SORCS1: variants seen among roughly 807,000 people sequenced by gnomAD.
SORCS1 encodes sortilin related VPS10 domain containing receptor 1, also known as VPS10 domain-containing receptor SorCS1.
In SORCS1, 60 loss-of-function variants were observed where a neutral mutation model predicts 146.1. That is an observed-to-expected ratio of 0.41 (90% confidence interval 0.33 to 0.51). The LOEUF is 0.51. SORCS1 is among the 20% of genes least tolerant of loss of function. SORCS1 has a pLI of 0.21. For synonymous variants in SORCS1, 637 were observed against 584.0 expected, an observed-to-expected ratio of 1.09 and a Z score of -1.31; for missense variants, 1,352 against 1,487.6, an observed-to-expected ratio of 0.91 and a Z score of 1.50.
chr10:106,867,601 GA>G (rs767338658), intron 2 of SORCS1, among the ~76,000 whole-genome samples: 1 of 151,194 alleles, frequency 6.6e-6, no homozygotes, highest in East Asian at 1.9e-4. Context: ...CATTCTTAAA[GA>G]AAAAAAAATT....
At chr10:106,996,738 A>T (rs758544899) in intron 1 of SORCS1, among the ~76,000 whole-genome samples, 1 of 152,194 alleles carries the variant, frequency 6.6e-6, no homozygotes, top group African/African-American at 2.4e-5. Flanking sequence ...ATATGACCAG[A>T]GTGTGTCGCC....
chr10:106,946,470 C>G (rs1327503032), intron 2 of SORCS1, among the ~76,000 whole-genome samples: 1 of 152,210 alleles, frequency 6.6e-6, no homozygotes, highest in Non-Finnish European at 1.5e-5. Flanking sequence ...GTGTAAGTCT[C>G]ACGAGATCTG....
intron 1 of SORCS1, among the ~76,000 whole-genome samples, chr10:107,045,450 G>A (rs1162224332): frequency 6.6e-6 from 1 of 152,132 alleles, no homozygotes; most frequent in Non-Finnish European, 1.5e-5. Flanking sequence ...ACAACTGGGA[G>A]GTATTTTCAG....
intron 2 of SORCS1, among the ~76,000 whole-genome samples, chr10:106,890,813 T>A (rs35478658): frequency 2.8e-5 from 1 of 36,246 alleles, no homozygotes; most frequent in African/African-American, 2.4e-4. Flanking sequence ...TATACATACA[T>A]TTTTTTTTTT....
At chr10:106,824,449 G>T (rs187762280) in intron 3 of SORCS1, among the ~76,000 whole-genome samples, 1 of 152,078 alleles carries the variant, frequency 6.6e-6, no homozygotes, top group African/African-American at 2.4e-5. Context: ...AATTAGCTGG[G>T]TGTGGTAGTA....
Position 106,709,203 on chromosome 10 carries a change from C to T in SORCS1, c.1143+20G>A, listed in dbSNP as rs1373028955. 3 of 1,569,602 alleles carry T rather than the reference C, an allele frequency of 1.9e-6. No homozygotes were observed. In the African/African-American group the frequency reaches 4.1e-5, roughly 21 times the overall value. On this transcript the variant is annotated intron_variant, in intron 7 of 25. Coordinates refer to ENST00000263054, the MANE Select transcript of SORCS1 (RefSeq NM_052918.5). ...AAAGAAAGGTTTCTGAGACAATCAA[C>T]AGAAGTGGATTTTTCCTACCTGAAC...
intron 2 of SORCS1, among the ~76,000 whole-genome samples, chr10:106,850,648 C>A (rs1949528251): frequency 6.6e-6 from 1 of 152,176 alleles, no homozygotes; most frequent in Non-Finnish European, 1.5e-5. Flanking sequence ...AAGGCATTCC[C>A]AAGACACCCA....
rs146123916 is a variant in SORCS1 at position 106,884,431 on chromosome 10, A to AT, written c.627-54759dup. On this transcript the variant is annotated intron_variant, in intron 2 of 25. Transcript: ENST00000263054. ...TGAGGCACCTTAACCTTCACATTCTATTTTTTTTTTCTTTTAAATTTATGG... is the reference window on the plus strand; with the variant it reads ...TGAGGCACCTTAACCTTCACATTCTATTTTTTTTTTTCTTTTAAATTTATGG... Among the ~76,000 whole-genome samples, 208 of 148,880 alleles carry AT rather than the reference A, an allele frequency of 1.4e-3. 3 individuals are homozygous for AT. In the South Asian group the frequency reaches 0.036, roughly 26 times the overall value.
chr10:107,175,452 C>CTT, the SORCS1 span, among the ~76,000 whole-genome samples: 1 of 151,942 alleles, frequency 6.6e-6, no homozygotes, highest in Non-Finnish European at 1.5e-5. Context: ...TTCTTTCTTT[C>CTT]TTTTAGATGG....
intron 1 of SORCS1, among the ~76,000 whole-genome samples, chr10:107,140,383 A>C (rs1049835690): frequency 3.9e-5 from 6 of 152,230 alleles, no homozygotes; most frequent in African/African-American, 1.4e-4. Context: ...TTTTATTGTC[A>C]GCAATAATTC....
intron 3 of SORCS1, among the ~76,000 whole-genome samples, chr10:106,803,606 T>C (rs755184776): frequency 9.9e-5 from 15 of 152,210 alleles, no homozygotes; most frequent in Non-Finnish European, 1.5e-4. Flanking sequence ...CTATCAGCTC[T>C]TTAGGTCTTG....
intron 24 of SORCS1, among the ~76,000 whole-genome samples, chr10:106,593,614 T>A (rs1341570767): frequency 6.6e-6 from 1 of 152,224 alleles, no homozygotes; most frequent in Non-Finnish European, 1.5e-5. Context: ...GAACTAGCCA[T>A]GACAGAAAAC....
chr10:106,954,943 T>C lies in SORCS1; in HGVS notation c.626+1570A>G, dbSNP rs148768727. Among the ~76,000 whole-genome samples, 1,156 of 152,210 alleles carry C rather than the reference T, an allele frequency of 7.6e-3. 6 individuals are homozygous for C. The highest frequency in any genetic ancestry group is 0.012 in the Non-Finnish European group (828 of 68,016). ...AACCTGGGACCCACCCAACAGCGAG[T>C]GAGAAAGGAGCTGTAATACTGTAGC... is the stretch of plus-strand genomic sequence containing the variant. On this transcript the variant is annotated intron_variant, in intron 2 of 25. Transcript: ENST00000263054.
At position 106,675,133 on chromosome 10, in the gene SORCS1, G is replaced by T; in HGVS notation, c.1856C>A (p.Ser619Tyr). ...HLWLSFDEGR[S>Y]WSKYSFTSIP... ...AGATGTGAAACTGTATTTGCTCCAA[G>T]ATCTCCCTTCATCAAAACTCAACCT... Residue 619 changes from serine to tyrosine, a missense_variant, in exon 14 of 26, where the codon TCT becomes TAT. Ser to Tyr is a moderately radical substitution (Grantham distance 144). Coordinates refer to ENST00000263054, the MANE Select transcript of SORCS1 (RefSeq NM_052918.5). The T allele has an allele frequency of 6.2e-7, 1 of 1,613,132 alleles. No individual in the cohort carries two copies. Among genetic ancestry groups the T allele is most frequent in the Non-Finnish European group, 8.5e-7 (1 of 1,179,556 alleles).
intron 1 of SORCS1, among the ~76,000 whole-genome samples, chr10:107,156,560 CTT>C (rs1969296720): frequency 6.6e-6 from 1 of 152,210 alleles, no homozygotes; most frequent in African/African-American, 2.4e-5. Flanking sequence ...ATTCAGCAAA[CTT>C]TCCTTTGCTC....
At chr10:106,866,372 C>T (rs574581458) in intron 2 of SORCS1, among the ~76,000 whole-genome samples, 25 of 152,306 alleles carry the variant, frequency 1.6e-4, no homozygotes, top group Non-Finnish European at 2.6e-4. Flanking sequence ...CGCACAGACC[C>T]GCTATCCTGA....
intron 2 of SORCS1, among the ~76,000 whole-genome samples, chr10:106,856,333 C>G (rs1949787613): frequency 6.6e-6 from 1 of 152,126 alleles, no homozygotes; most frequent in Non-Finnish European, 1.5e-5. Context: ...CCCAGCCAGG[C>G]AAAACATTCT....
At chr10:107,081,011 T>C (rs533444058) in intron 1 of SORCS1, among the ~76,000 whole-genome samples, 51 of 152,312 alleles carry the variant, frequency 3.3e-4, no homozygotes, top group African/African-American at 1.1e-3. Context: ...AAAGATATCA[T>C]TGCTATTCCC....
chr10:106,966,348 G>A (rs569856761), intron 1 of SORCS1, among the ~76,000 whole-genome samples: 168 of 152,044 alleles, frequency 1.1e-3, no homozygotes, highest in South Asian at 4.6e-3. Flanking sequence ...CATACTTGAC[G>A]AAATGAAAAA....
Sources: gnomAD v4.1 joint callset for allele counts (sites outside exome capture counted in the v4.1 genomes callset) on GRCh38, gnomAD v4.1.1 for gene constraint, MANE v1.5 for transcripts, NCBI Gene and HGNC (gene_info 2026-07-23, HGNC 2026-07-21) for gene names.